The following POU6F2 variants were observed in gnomAD, a reference collection of about 807,000 sequenced individuals.
POU6F2 encodes POU class 6 homeobox 2.
In POU6F2, 31 loss-of-function variants were observed where a neutral mutation model predicts 71.3. The observed-to-expected ratio is 0.43, with a 90% confidence interval of 0.33 to 0.59. The LOEUF (loss-of-function observed/expected upper bound fraction) is 0.59. Among genes scored for constraint, POU6F2 ranks in the 20% least tolerant of loss-of-function variants. POU6F2 has a pLI of 0.04. For missense variants in POU6F2, 783 were observed against 856.8 expected, an observed-to-expected ratio of 0.91 and a Z score of 1.07; for synonymous variants, 347 against 355.7, an observed-to-expected ratio of 0.98 and a Z score of 0.27.
chr7:38,992,493 G>A (rs1279279754), intron 1 of POU6F2, among the ~76,000 whole-genome samples: 3 of 152,258 alleles, frequency 2.0e-5, no homozygotes, highest in African/African-American at 7.2e-5. Flanking sequence ...ACGTGAAGAG[G>A]GGACACGAGG....
intron 1 of POU6F2, among the ~76,000 whole-genome samples, chr7:39,077,352 G>A (rs1212652523): frequency 6.6e-6 from 1 of 152,168 alleles, no homozygotes; most frequent in Non-Finnish European, 1.5e-5. Flanking sequence ...TGAGGATTCC[G>A]AGGAGGTGTG....
intron 4 of POU6F2, among the ~76,000 whole-genome samples, chr7:39,255,709 A>T (rs1784007737): frequency 1.3e-5 from 2 of 152,156 alleles, no homozygotes; most frequent in Non-Finnish European, 2.9e-5. Flanking sequence ...AAGTGACAGT[A>T]ACGACCCTGG....
intron 2 of POU6F2, among the ~76,000 whole-genome samples, chr7:39,125,893 A>G (rs1438642598): frequency 2.0e-5 from 3 of 152,202 alleles, no homozygotes; most frequent in African/African-American, 7.2e-5. Context: ...CTTGAGGTGC[A>G]CTAAAAAGAA....
At chr7:39,247,513 A>G (rs1410466338) in intron 4 of POU6F2, among the ~76,000 whole-genome samples, 3 of 106,134 alleles carry the variant, frequency 2.8e-5, no homozygotes, top group African/African-American at 1.0e-4. Flanking sequence ...AGAGAAAGCA[A>G]GCAAGCAAAC....
chr7:39,390,478 G>A (rs914627209), intron 5 of POU6F2, among the ~76,000 whole-genome samples: 1 of 152,280 alleles, frequency 6.6e-6, no homozygotes, highest in Admixed American at 6.5e-5. Context: ...TAAAGCTCAT[G>A]CATCTCCATG....
At chr7:39,317,131 GTAAGTTATCC>G (rs1281777324) in intron 4 of POU6F2, among the ~76,000 whole-genome samples, 4 of 152,190 alleles carry the variant, frequency 2.6e-5, no homozygotes, top group Non-Finnish European at 4.4e-5. Context: ...CCCCTCCGCA[GTAAGTTATCC>G]TTTATGCTAC....
At chr7:39,331,019 G>A (rs768239555) in intron 4 of POU6F2, among the ~76,000 whole-genome samples, 11 of 152,172 alleles carry the variant, frequency 7.2e-5, no homozygotes, top group Non-Finnish European at 1.2e-4. Flanking sequence ...ATATGAGTGA[G>A]ATCATGTGGT....
intron 1 of POU6F2, among the ~76,000 whole-genome samples, chr7:39,073,810 G>A (rs887322350): frequency 1.3e-5 from 2 of 152,192 alleles, no homozygotes; most frequent in African/African-American, 2.4e-5. Flanking sequence ...TGGGAACAGA[G>A]GGAAGGAAAA....
chr7:39,444,979 A>C (rs1324011129), intron 7 of POU6F2, among the ~76,000 whole-genome samples: 3 of 152,200 alleles, frequency 2.0e-5, no homozygotes, highest in Admixed American at 6.5e-5. Context: ...ATTTTTCAAA[A>C]ATTAAATACC....
chr7:39,041,011 G>A (rs1352330139), intron 1 of POU6F2, among the ~76,000 whole-genome samples: 4 of 151,840 alleles, frequency 2.6e-5, no homozygotes, highest in Non-Finnish European at 5.9e-5. Flanking sequence ...TGCTTGAATC[G>A]AGCCATGGTT....
intron 4 of POU6F2, among the ~76,000 whole-genome samples, chr7:39,242,435 T>C (rs1360578641): frequency 6.6e-6 from 1 of 152,032 alleles, no homozygotes; most frequent in African/African-American, 2.4e-5. Flanking sequence ...AAGCATCTAT[T>C]GGCTTTAACT....
At chr7:39,253,446 C>T (rs1233210608) in intron 4 of POU6F2, among the ~76,000 whole-genome samples, 3 of 152,162 alleles carry the variant, frequency 2.0e-5, no homozygotes, top group Non-Finnish European at 4.4e-5. Context: ...AAAATAACAG[C>T]AATAATAGCC....
At chr7:39,189,734 C>T (rs975732577) in intron 2 of POU6F2, among the ~76,000 whole-genome samples, 2 of 151,760 alleles carry the variant, frequency 1.3e-5, no homozygotes, top group African/African-American at 4.8e-5. Context: ...TTTCCTACCT[C>T]CTGCAGAAGA....
At chr7:39,241,635 G>A (rs769508358) in intron 4 of POU6F2, among the ~76,000 whole-genome samples, 5 of 152,074 alleles carry the variant, frequency 3.3e-5, no homozygotes, top group Non-Finnish European at 7.4e-5. Flanking sequence ...AGAGAGGAGA[G>A]GTCAGTAGGG....
At chr7:39,328,252 A>G (rs547538232) in intron 4 of POU6F2, among the ~76,000 whole-genome samples, 1 of 152,194 alleles carries the variant, frequency 6.6e-6, no homozygotes, top group Non-Finnish European at 1.5e-5. Context: ...AATTCTAGCC[A>G]TTAATATTCT....
chr7:39,135,196 G>T (rs1162213417), intron 2 of POU6F2, among the ~76,000 whole-genome samples: 3 of 152,166 alleles, frequency 2.0e-5, no homozygotes, highest in South Asian at 2.1e-4. Flanking sequence ...TTATGTGAAA[G>T]CAGTTATGAG....
chr7:39,152,100 C>T (rs562895196), intron 2 of POU6F2, among the ~76,000 whole-genome samples: 1 of 152,160 alleles, frequency 6.6e-6, no homozygotes, highest in South Asian at 2.1e-4. Context: ...TGCAGTGAAC[C>T]GTGAGTTTTA....
intron 5 of POU6F2, among the ~76,000 whole-genome samples, chr7:39,381,291 G>T (rs542077314): frequency 6.6e-6 from 1 of 152,110 alleles, no homozygotes; most frequent in Non-Finnish European, 1.5e-5. Context: ...CAGCTGGAGC[G>T]CAGTAGCACG....
chr7:39,333,695 G>A (rs1344393932), intron 4 of POU6F2, among the ~76,000 whole-genome samples: 1 of 152,176 alleles, frequency 6.6e-6, no homozygotes, highest in Admixed American at 6.5e-5. Flanking sequence ...CCAAGATTGT[G>A]CCACTGCACT....
Sources: allele counts gnomAD v4.1 joint callset (sites outside exome capture counted in the v4.1 genomes callset), GRCh38; gene constraint gnomAD v4.1.1; transcripts MANE v1.5; gene names NCBI Gene and HGNC (gene_info 2026-07-23, HGNC 2026-07-21).